Variants in CRHR2 observed in about 807,000 individuals in gnomAD.
The protein encoded by CRHR2 is corticotropin-releasing hormone receptor 2.
In CRHR2, 53 loss-of-function variants were observed where a neutral mutation model predicts 57.9. The ratio of observed to expected loss-of-function variants is 0.92; its 90% CI spans 0.73 to 1.15. The LOEUF is 1.15. CRHR2 is among the 50% of genes most tolerant of loss of function. CRHR2 has a pLI of 0.00. For synonymous variants in CRHR2, 213 were observed against 220.9 expected, an observed-to-expected ratio of 0.96 and a Z score of 0.32; for missense variants, 532 against 542.6, an observed-to-expected ratio of 0.98 and a Z score of 0.19.
chr7:30,674,879 A>G (rs1033539885), intron 2 of CRHR2, among the ~76,000 whole-genome samples: 3 of 151,256 alleles, frequency 2.0e-5, no homozygotes, highest in East Asian at 3.9e-4. Context: ...GCCACCTTCA[A>G]CTCCCCTCCC....
chr7:30,692,321 C>T (rs549721298), intron 1 of CRHR2, among the ~76,000 whole-genome samples: 4 of 152,162 alleles, frequency 2.6e-5, no homozygotes, highest in Admixed American at 6.5e-5. Flanking sequence ...CCTGTGCCCC[C>T]CTTCCCCAGC....
chr7:30,694,494 C>T (rs1170434480), intron 1 of CRHR2, among the ~76,000 whole-genome samples: 2 of 152,232 alleles, frequency 1.3e-5, no homozygotes, highest in Non-Finnish European at 2.9e-5. Flanking sequence ...CTAGTGTTCC[C>T]TCCAGGGCCT....
intron 1 of CRHR2, among the ~76,000 whole-genome samples, chr7:30,692,454 A>T (rs1413265020): frequency 6.6e-6 from 1 of 152,182 alleles, no homozygotes; most frequent in Non-Finnish European, 1.5e-5. Flanking sequence ...GTGAATGCTC[A>T]TTGAGGAAAC....
chr7:30,658,944 C>T (rs1166632393), intron 8 of CRHR2, among the ~76,000 whole-genome samples: 1 of 152,202 alleles, frequency 6.6e-6, no homozygotes, highest in African/African-American at 2.4e-5. Flanking sequence ...TCGAGGACAA[C>T]AGGCAGATGG....
intron 2 of CRHR2, among the ~76,000 whole-genome samples, chr7:30,676,838 G>C (rs1357052105): frequency 1.3e-5 from 2 of 152,230 alleles, no homozygotes; most frequent in African/African-American, 2.4e-5. Context: ...TCTAGAATGG[G>C]GTTCTGGGAA....
chr7:30,686,575 A>G (rs745331948), upstream of CRHR2: 30 of 1,497,674 alleles, frequency 2.0e-5, no homozygotes, highest in East Asian at 2.5e-5. Flanking sequence ...TGGGGAAGCC[A>G]AGGTAGGCAG....
At chr7:30,692,864 A>G (rs761182310) in intron 1 of CRHR2, among the ~76,000 whole-genome samples, 9 of 152,226 alleles carry the variant, frequency 5.9e-5, no homozygotes, top group Non-Finnish European at 1.2e-4. Flanking sequence ...CACTTCAGGT[A>G]AGGGGCAGAG....
intron 1 of CRHR2, among the ~76,000 whole-genome samples, chr7:30,692,566 A>G (rs1327856472): frequency 2.0e-5 from 3 of 152,234 alleles, no homozygotes; most frequent in Non-Finnish European, 2.9e-5. Context: ...TGACCCAGGT[A>G]GAAGCTGAGA....
At chr7:30,692,496 C>T (rs758075311) in intron 1 of CRHR2, among the ~76,000 whole-genome samples, 13 of 152,032 alleles carry the variant, frequency 8.6e-5, no homozygotes, top group African/African-American at 2.4e-4. Flanking sequence ...GACATTGGAG[C>T]GGAATCTAAA....
rs1293554069 is a variant in CRHR2, at chr7:30,655,925, A to ATTGT, written c.917+1_917+2insACAA. 3 of 1,613,618 alleles carry ATTGT rather than the reference A, an allele frequency of 1.9e-6. No individual in the cohort carries two copies. Among genetic ancestry groups the ATTGT allele is most frequent in the Admixed American group, 1.7e-5 (1 of 60,004 alleles). ...GTGGGGTCAAGGGACCCCCTCACAT[A>ATTGT]CCTGTACTGGATTGTCTCGGATGTG... On this transcript the variant is annotated splice_donor_variant, in intron 9 of 11. Transcript: ENST00000471646. LOFTEE classifies it high-confidence loss of function.
intron 2 of CRHR2, among the ~76,000 whole-genome samples, chr7:30,673,179 C>CT (rs1784418114): frequency 6.6e-6 from 1 of 151,988 alleles, no homozygotes; most frequent in Admixed American, 6.6e-5. Context: ...GTTGAGAAAT[C>CT]TTTGACCATG....
At position 30,656,083 on chromosome 7, in the gene CRHR2, C is replaced by T. The variant is rs1333516941; in HGVS notation, c.832-71G>A. ...GTGTTTGAGATGAGCCGAGAGGCAG[C>T]CCCCTTCCCCGCAGACCCCTGGAAA... is the stretch of plus-strand genomic sequence containing the variant. On this transcript the variant is annotated intron_variant, in intron 8 of 11. Transcript: ENST00000471646. The surrounding 1 kb of genome is among the most constrained non-coding windows in gnomAD (Gnocchi z 4.4). 3 of 1,434,040 alleles carry T rather than the reference C, an allele frequency of 2.1e-6. No homozygotes were observed. The highest frequency in any genetic ancestry group is 2.3e-5 in the South Asian group (2 of 86,402). The allele number at this position is 1,434,040 out of a possible 1,614,324, so 88.8% of individuals were successfully genotyped here.
intron 1 of CRHR2, among the ~76,000 whole-genome samples, chr7:30,690,449 C>T (rs147068086): frequency 5.9e-5 from 9 of 152,020 alleles, no homozygotes; most frequent in East Asian, 3.9e-4. Context: ...CATGCACACA[C>T]GTGTGTGACT....
At chr7:30,675,313 T>C (rs898969263) in intron 2 of CRHR2, among the ~76,000 whole-genome samples, 1 of 152,224 alleles carries the variant, frequency 6.6e-6, no homozygotes, top group Non-Finnish European at 1.5e-5. Flanking sequence ...CAGGCTCTGC[T>C]GTGGCACTGG....
chr7:30,688,958 T>C (rs1784906406), intron 2 of CRHR2: 1 of 628,248 alleles, frequency 1.6e-6, no homozygotes, highest in Non-Finnish European at 3.0e-6. Flanking sequence ...GAGCTGGGAA[T>C]GGGGAGTGGC....
intron 2 of CRHR2, chr7:30,689,041 C>A: frequency 1.4e-6 from 1 of 729,346 alleles, no homozygotes; most frequent in Non-Finnish European, 2.4e-6. Flanking sequence ...TAAGGGCCCT[C>A]AGCAAGGCAG....
At chr7:30,662,919 GGCAACAAGACAC>G in intron 5 of CRHR2, 72 bp from the exon 6 acceptor site, 1 of 1,556,854 alleles carries the variant, frequency 6.4e-7, no homozygotes, top group South Asian at 1.2e-5. Flanking sequence ...CCCCAGGCAG[GGCAACAAGACAC>G]AGGGCTCCCC....
chr7:30,681,961 C>G lies in CRHR2; in HGVS notation c.183G>C (p.Glu61Asp). ...CGTTGAAGTACTCGGGGCACGGCCT[C>G]TCCACGAGGGCTCCGGCAGCGCTGC... ...WPRSAAGALV[E>D]RPCPEYFNGV... Residue 61 changes from glutamate (E) to aspartate (D), a missense_variant, in exon 2 of 12, where the codon GAG becomes GAC. Physicochemically the swap from Glu to Asp is conservative, Grantham distance 45. Coordinates refer to ENST00000471646, the MANE Select transcript of CRHR2 (RefSeq NM_001883.5). The G allele has an allele frequency of 1.2e-6, 2 of 1,611,908 alleles. No homozygotes were observed. The highest frequency in any genetic ancestry group is 1.7e-6 in the Non-Finnish European group (2 of 1,179,434).
chr7:30,665,663 G>T lies in CRHR2; in HGVS notation c.316-24C>A, dbSNP rs953899287. On this transcript the variant is annotated intron_variant, in intron 3 of 11. Coordinates refer to ENST00000471646, the MANE Select transcript of CRHR2 (RefSeq NM_001883.5). The surrounding 1 kb of genome is among the most constrained non-coding windows in gnomAD (Gnocchi z 4.5). The stretch of plus-strand genomic sequence containing the variant: ...TGCTGGACAGACAGACATGGGCAGG[G>T]CAGATGGAGGCATGGGCACGTGGGG... 4 of 1,543,552 alleles carry T rather than the reference G, an allele frequency of 2.6e-6. No homozygotes were observed. Among genetic ancestry groups the T allele is most frequent in the African/African-American group, 2.7e-5 (2 of 72,848 alleles).
Sources: allele counts gnomAD v4.1 joint callset (sites outside exome capture counted in the v4.1 genomes callset), GRCh38; gene constraint gnomAD v4.1.1; non-coding constraint Gnocchi (gnomAD v3.1); transcripts MANE v1.5; gene names NCBI Gene and HGNC (gene_info 2026-07-23, HGNC 2026-07-21).